The following AGBL4 variants were observed in gnomAD, a reference collection of about 807,000 sequenced individuals.
AGBL4 encodes the protein cytosolic carboxypeptidase 6.
In AGBL4, 58 loss-of-function variants were observed where a neutral mutation model predicts 66.4. The observed-to-expected ratio is 0.87, with a 90% CI of 0.71 to 1.09. The LOEUF (loss-of-function observed/expected upper bound fraction) is 1.09, where lower values mean the gene tolerates loss of function less well. AGBL4 is among the 50% of genes least tolerant of loss of function. The pLI, the probability that AGBL4 is intolerant of heterozygous loss-of-function variation, is 0.00. For synonymous variants in AGBL4, 234 were observed against 222.9 expected (o/e 1.05, Z -0.44); for missense variants, 579 against 631.0 (o/e 0.92, Z 0.88).
intron 4 of AGBL4, among the ~76,000 whole-genome samples, chr1:49,205,793 A>C (rs528496034): frequency 1.3e-5 from 2 of 152,254 alleles, no homozygotes; most frequent in South Asian, 4.1e-4. Context: ...TAAATAAATG[A>C]CATTTTGGAA....
At chr1:48,624,617 T>C (rs1273079698) in intron 9 of AGBL4, among the ~76,000 whole-genome samples, 3 of 152,164 alleles carry the variant, frequency 2.0e-5, no homozygotes, top group Non-Finnish European at 4.4e-5. Context: ...CTCAAGAGGT[T>C]CTCACTGAGC....
chr1:49,108,894 C>T (rs1339342449), intron 4 of AGBL4, among the ~76,000 whole-genome samples: 2 of 152,112 alleles, frequency 1.3e-5, no homozygotes. Flanking sequence ...AAACTGCAGA[C>T]AGGAGAACGC....
chr1:49,827,111 A>G lies in AGBL4; in HGVS notation c.157+24285T>C, dbSNP rs376448025. ...CATACAGGTAGAGTATGAATTCTCA[A>G]TGGGGGTGCTTTCATTTGGAGCAAA... On this transcript the variant is annotated intron_variant, in intron 2 of 13. Coordinates refer to ENST00000371839, the MANE Select transcript of AGBL4 (RefSeq NM_032785.4). 1.4e-3 allele frequency among the ~76,000 whole-genome samples: 210 copies of G among 152,276 alleles called. 1 individual carries two copies. Among genetic ancestry groups the G allele is most frequent in the African/African-American group, 4.7e-3 (197 of 41,562 alleles).
rs548644446 is a variant in AGBL4, at chr1:49,347,473, G to A, written c.283-101609C>T. ...TCACCGTGTTGGCCAGGATGGTTTC[G>A]ATCTCCTGACCTCATGATCCGCCCG... On this transcript the variant is annotated intron_variant, in intron 3 of 13. Coordinates refer to ENST00000371839, the MANE Select transcript of AGBL4 (RefSeq NM_032785.4). Among the ~76,000 whole-genome samples, 71 of 151,794 alleles carry A rather than the reference G, an allele frequency of 4.7e-4. 2 individuals carry two copies. The highest frequency in any genetic ancestry group is 6.8e-3 in the Middle Eastern group (2 of 292).
intron 3 of AGBL4, among the ~76,000 whole-genome samples, chr1:49,561,302 T>C (rs1250670901): frequency 1.3e-5 from 2 of 151,870 alleles, no homozygotes; most frequent in Non-Finnish European, 1.5e-5. Context: ...TTATTATTAT[T>C]ATACTTTAAC....
At chr1:48,782,066 C>T (rs1645308254) in intron 6 of AGBL4, among the ~76,000 whole-genome samples, 2 of 152,134 alleles carry the variant, frequency 1.3e-5, no homozygotes, top group Admixed American at 6.5e-5. Context: ...TCTGGGGAGC[C>T]CTGGAAGGCT....
intron 5 of AGBL4, among the ~76,000 whole-genome samples, chr1:48,961,106 T>TGC (rs1553130853): frequency 2.0e-5 from 3 of 151,240 alleles, no homozygotes; most frequent in East Asian, 1.9e-4. Context: ...TGTGTGTGTG[T>TGC]GCGTGTATGT....
intron 3 of AGBL4, among the ~76,000 whole-genome samples, chr1:49,458,856 T>C (rs1646447501): frequency 6.6e-6 from 1 of 151,862 alleles, no homozygotes; most frequent in African/African-American, 2.4e-5. Flanking sequence ...ATGTGGTGTA[T>C]CACATTTATT....
At chr1:49,890,875 T>C (rs1389718911) in intron 1 of AGBL4, among the ~76,000 whole-genome samples, 2 of 152,130 alleles carry the variant, frequency 1.3e-5, no homozygotes, top group East Asian at 1.9e-4. Flanking sequence ...GAGTAAGAAA[T>C]AGATTTTATT....
At position 48,736,594 on chromosome 1, in the gene AGBL4, C is replaced by T. The variant is rs184813791; in HGVS notation, c.635-73353G>A. On this transcript the variant is annotated intron_variant, in intron 6 of 13. Transcript: ENST00000371839. This position sits in a 1 kb window ranked among gnomAD's most constrained non-coding sequence, Gnocchi z 4.0. ...GAAATTAACTCTCTTTAAGGGTAATCGTAATAGCTATCATCTACTGAATAC... is the reference window on the plus strand; with the variant it reads ...GAAATTAACTCTCTTTAAGGGTAATTGTAATAGCTATCATCTACTGAATAC... 2.8e-5 allele frequency: 20 copies of T among 715,232 alleles called. No individual in the cohort carries two copies. In the South Asian group the frequency reaches 3.0e-4, roughly 11 times the overall value. 44.3% of individuals were successfully genotyped at this position (715,232 alleles called of 1,614,324 possible).
chr1:48,631,763 A>T (rs538314523), intron 9 of AGBL4, among the ~76,000 whole-genome samples: 37 of 152,290 alleles, frequency 2.4e-4, no homozygotes, highest in Admixed American at 2.6e-4. Flanking sequence ...GAGTGAAAAG[A>T]GGGCATTGTT....
intron 3 of AGBL4, among the ~76,000 whole-genome samples, chr1:49,680,410 A>G (rs906832988): frequency 1.3e-5 from 2 of 148,666 alleles, no homozygotes; most frequent in African/African-American, 5.0e-5. Flanking sequence ...TTCTTGCTGT[A>G]TGGCAACAAT....
chr1:49,108,135 C>T (rs554263907), intron 4 of AGBL4, among the ~76,000 whole-genome samples: 9 of 152,290 alleles, frequency 5.9e-5, no homozygotes, highest in South Asian at 2.1e-4. Context: ...ACTGTAAGAA[C>T]GTTGGGGCAG....
chr1:48,702,415 C>T (rs1646816521), intron 6 of AGBL4, among the ~76,000 whole-genome samples: 1 of 152,114 alleles, frequency 6.6e-6, no homozygotes, highest in African/African-American at 2.4e-5. Flanking sequence ...CCTCAGCCTC[C>T]CAAGTAGCTG....
intron 4 of AGBL4, among the ~76,000 whole-genome samples, chr1:49,137,509 T>G (rs1646034538): frequency 6.6e-6 from 1 of 152,128 alleles, no homozygotes; most frequent in South Asian, 2.1e-4. Flanking sequence ...CTCATTTGCA[T>G]AAGATGAATG....
At chr1:48,575,868 A>G (rs984008295) in intron 11 of AGBL4, among the ~76,000 whole-genome samples, 1 of 152,126 alleles carries the variant, frequency 6.6e-6, no homozygotes, top group African/African-American at 2.4e-5. Flanking sequence ...ACAGCCACTC[A>G]GTTCTGCATC....
At chr1:48,891,390 T>A (rs892796293) in intron 5 of AGBL4, among the ~76,000 whole-genome samples, 5 of 152,012 alleles carry the variant, frequency 3.3e-5, no homozygotes, top group Non-Finnish European at 7.4e-5. Context: ...CAGTCCCAAA[T>A]ACCCTCTTCC....
At chr1:48,586,983 C>T in intron 11 of AGBL4, 21 bp downstream of exon 11, 1 of 1,609,446 alleles carries the variant, frequency 6.2e-7, no homozygotes, top group Non-Finnish European at 8.5e-7. Context: ...TGGCCCAAGG[C>T]TGGGTGGGGA....
chr1:48,660,229 G>T (rs1458566727), intron 7 of AGBL4, among the ~76,000 whole-genome samples: 2 of 152,188 alleles, frequency 1.3e-5, no homozygotes, highest in Non-Finnish European at 2.9e-5. Flanking sequence ...TGCTACCCTT[G>T]CTGCCACCCC....
Sources: allele counts gnomAD v4.1 joint callset (sites outside exome capture counted in the v4.1 genomes callset), GRCh38; gene constraint gnomAD v4.1.1; non-coding constraint Gnocchi (gnomAD v3.1); transcripts MANE v1.5; gene names NCBI Gene and HGNC (gene_info 2026-07-23, HGNC 2026-07-21).